GKAP1: variants seen among roughly 807,000 people sequenced by gnomAD.
GKAP1 encodes the protein G kinase-anchoring protein 1.
GKAP1 carries 31 observed loss-of-function variants against 56.7 expected under a neutral mutation model. That is an observed-to-expected ratio of 0.55 (90% confidence interval 0.41 to 0.74). The LOEUF is 0.74. Ranked by LOEUF, GKAP1 falls within the 30% of genes least tolerant of loss-of-function variation. GKAP1 has a pLI of 0.00. For missense variants in GKAP1, 364 were observed against 402.3 expected (o/e 0.90, Z 0.82); for synonymous variants, 151 against 138.6 (o/e 1.09, Z -0.63).
intron 8 of GKAP1, among the ~76,000 whole-genome samples, chr9:83,766,647 G>A (rs899796856): frequency 6.6e-6 from 1 of 152,122 alleles, no homozygotes; most frequent in Admixed American, 6.5e-5. Context: ...TAAACAAAGC[G>A]ATAACATCCA....
At chr9:83,770,333 C>T (rs1050449219) in intron 7 of GKAP1, among the ~76,000 whole-genome samples, 12 of 152,126 alleles carry the variant, frequency 7.9e-5, no homozygotes, top group Non-Finnish European at 1.3e-4. Flanking sequence ...TTTTTGTACA[C>T]GGTGTGAAGA....
At chr9:83,790,723 G>A (rs963686290) in intron 4 of GKAP1, among the ~76,000 whole-genome samples, 1 of 152,190 alleles carries the variant, frequency 6.6e-6, no homozygotes, top group South Asian at 2.1e-4. Context: ...TGAGGCAGGA[G>A]TATCGCTTAA....
In GKAP1 at chr9:83,768,924, T is replaced by C. The variant is rs538241957; in HGVS notation, c.632A>G (p.Asn211Ser). The C allele has an allele frequency of 9.6e-5, 155 of 1,611,376 alleles. No homozygotes were observed. Among genetic ancestry groups the C allele is most frequent in the Non-Finnish European group, 1.2e-4 (144 of 1,178,824 alleles). Residue 211 changes from asparagine to serine, a missense_variant, in exon 8 of 13, where the codon AAT (asparagine) becomes AGT (serine). Physicochemically the swap from Asn to Ser is conservative, Grantham distance 46. Transcript: ENST00000376371. ...TTTATGAACATCATCTTCCAGTCTA[T>C]TGAAGAATCCTCCATCATGTGATAA... ...QTLSHDGGFFNRLEDDVHKIL... is the reference protein window; with the variant it reads ...QTLSHDGGFFSRLEDDVHKIL...
intron 3 of GKAP1, among the ~76,000 whole-genome samples, chr9:83,805,193 G>A (rs1472907728): frequency 1.3e-5 from 2 of 151,860 alleles, no homozygotes; most frequent in East Asian, 3.9e-4. Context: ...TCTCTGAAAC[G>A]TGCTGTGTCC....
chr9:83,804,357 G>T (rs1944392834), intron 3 of GKAP1, among the ~76,000 whole-genome samples: 1 of 114,092 alleles, frequency 8.8e-6, no homozygotes, highest in Non-Finnish European at 1.8e-5. Flanking sequence ...GGGGGGGTCA[G>T]CCCCCCGCCC....
chr9:83,788,293 T>A (rs1944098223), intron 5 of GKAP1, among the ~76,000 whole-genome samples: 1 of 151,952 alleles, frequency 6.6e-6, no homozygotes, highest in African/African-American at 2.4e-5. Context: ...AAAATAATAA[T>A]AAAAATAAAT....
At chr9:83,806,238 A>G in intron 3 of GKAP1, 64 bp downstream of exon 3, 1 of 1,032,382 alleles carries the variant, frequency 9.7e-7, no homozygotes, top group Non-Finnish European at 1.4e-6. Flanking sequence ...GGAACAAGAT[A>G]GTATCTGTTC....
intron 8 of GKAP1, among the ~76,000 whole-genome samples, chr9:83,759,020 A>T (rs1587698509): frequency 6.6e-6 from 1 of 152,112 alleles, no homozygotes; most frequent in East Asian, 1.9e-4. Flanking sequence ...ATTTATGAAA[A>T]ACTTCACATG....
chr9:83,779,139 T>C (rs1943910922), intron 7 of GKAP1, among the ~76,000 whole-genome samples: 1 of 151,940 alleles, frequency 6.6e-6, no homozygotes, highest in South Asian at 2.1e-4. Context: ...TGGAATCAGT[T>C]CAAAAGTATG....
intron 8 of GKAP1, among the ~76,000 whole-genome samples, chr9:83,756,634 A>G (rs1943482596): frequency 6.6e-6 from 1 of 152,150 alleles, no homozygotes; most frequent in African/African-American, 2.4e-5. Context: ...TCAGTACTGT[A>G]GTAGTTTTCT....
chr9:83,816,963 G>A (rs1944615987), intron 2 of GKAP1, 33 bp downstream of exon 2: 1 of 152,146 alleles, frequency 6.6e-6, no homozygotes, highest in African/African-American at 2.4e-5. Flanking sequence ...GGGAGGAGGA[G>A]GAGCACTATA....
Position 83,783,719 on chromosome 9 carries a change from A to G in GKAP1, c.562+996T>C, listed in dbSNP as rs150723767. On this transcript the variant is annotated intron_variant, in intron 6 of 12. Coordinates refer to ENST00000376371, the MANE Select transcript of GKAP1 (RefSeq NM_025211.4). ...CCAACAATGGCTGAAATATGAAAAT[A>G]CTATTCCTGATCTACTGTAAGCCAA... is the stretch of plus-strand genomic sequence containing the variant. Among the ~76,000 whole-genome samples, 55 of 152,348 alleles carry G rather than the reference A, an allele frequency of 3.6e-4. No individual in the cohort carries two copies. The East Asian group carries it at 0.011, about 29-fold the overall frequency.
At chr9:83,775,982 A>G (rs116690530) in intron 7 of GKAP1, among the ~76,000 whole-genome samples, 2,556 of 152,164 alleles carry the variant, frequency 0.017, 65 homozygotes, top group African/African-American at 0.059. Context: ...CTGTAAAGCT[A>G]TAACCCCGAG....
intron 3 of GKAP1, among the ~76,000 whole-genome samples, chr9:83,802,665 C>T (rs970597514): frequency 2.0e-5 from 3 of 150,752 alleles, no homozygotes; most frequent in Non-Finnish European, 4.4e-5. Context: ...CCTGTCTCTA[C>T]AAAAAAACAA....
intron 7 of GKAP1, among the ~76,000 whole-genome samples, chr9:83,779,442 T>TACACACACACACACAC (rs1298986099): frequency 8.5e-4 from 59 of 69,148 alleles, no homozygotes; most frequent in Admixed American, 2.4e-3. Context: ...TATATATATA[T>TACACACACACACACAC]ATATATACAC....
chr9:83,804,478 T>C (rs1217905800), intron 3 of GKAP1, among the ~76,000 whole-genome samples: 3 of 104,444 alleles, frequency 2.9e-5, no homozygotes, highest in Non-Finnish European at 5.8e-5. Flanking sequence ...TACTGGGAAG[T>C]GAGGAGCCCC....
chr9:83,780,284 T>C (rs112907047), intron 7 of GKAP1, 98 bp downstream of exon 7: 19 of 728,004 alleles, frequency 2.6e-5, no homozygotes, highest in African/African-American at 2.4e-4. Context: ...GGTTGTCCTT[T>C]AAATGATTAT....
Sources: allele counts gnomAD v4.1 joint callset (sites outside exome capture counted in the v4.1 genomes callset), GRCh38; gene constraint gnomAD v4.1.1; transcripts MANE v1.5; gene names NCBI Gene and HGNC (gene_info 2026-07-23, HGNC 2026-07-21).